C2CD2L: variants seen among roughly 807,000 people sequenced by gnomAD.
C2CD2L encodes C2CD2 like, also known as phospholipid transfer protein C2CD2L.
Under a neutral mutation model 69.9 loss-of-function variants are expected in C2CD2L, and 24 were observed. That is an observed-to-expected ratio of 0.34 (90% CI 0.25 to 0.48). The LOEUF (loss-of-function observed/expected upper bound fraction) is 0.48. Among genes scored for constraint, C2CD2L ranks in the 20% least tolerant of loss-of-function variants. C2CD2L has a pLI of 0.99. For synonymous variants in C2CD2L, 367 were observed against 391.0 expected (o/e 0.94, Z 0.72); for missense variants, 811 against 941.5 (o/e 0.86, Z 1.81).
chr11:119,113,112 C>T, intron 10 of C2CD2L: 1 of 578,060 alleles, frequency 1.7e-6, no homozygotes, highest in Non-Finnish European at 3.1e-6. Flanking sequence ...TCCTGCCCCT[C>T]CTCATACAGG....
In C2CD2L at chr11:119,112,132, G is replaced by A. The variant is rs577746011; in HGVS notation, c.1020-196G>A. ...AGGGAGGATTTGAATGCATAGCTGA[G>A]AAGCATGGTTTCCACTCAGGCCCTG... On this transcript the variant is annotated intron_variant, in intron 7 of 13. Coordinates refer to ENST00000648610, the MANE Select transcript of C2CD2L (RefSeq NM_001290474.2). 2.4e-5 allele frequency: 14 copies of A among 586,600 alleles called. No individual in the cohort carries two copies. In the African/African-American group the frequency reaches 2.6e-4, roughly 11 times the overall value. 36.3% of individuals were successfully genotyped at this position (586,600 alleles called of 1,614,324 possible).
At position 119,107,511 on chromosome 11, in the gene C2CD2L, A is replaced by C; in HGVS notation, c.-231A>C. On this transcript the variant is annotated 5_prime_UTR_variant, in exon 1 of 14. Transcript: ENST00000648610. This position sits in a 1 kb window ranked among gnomAD's most constrained non-coding sequence, Gnocchi z 5.4. Reference sequence around the variant, plus strand: ...AACGGGTCCGACTGCTGACCAAGCTAGGAGAGACCCGGACCACGGAGACAG... The same window carrying C: ...AACGGGTCCGACTGCTGACCAAGCTCGGAGAGACCCGGACCACGGAGACAG... 12 of 370,276 alleles carry C rather than the reference A, an allele frequency of 3.2e-5. No individual in the cohort carries two copies. The highest frequency in any genetic ancestry group is 8.9e-5 in the South Asian group (1 of 11,198). 22.9% of individuals were successfully genotyped at this position (370,276 alleles called of 1,614,324 possible). A position where few individuals can be genotyped will look rare whatever the true frequency, so the allele number is the denominator to read the frequency against.
chr11:119,102,860 CTTTTTT>C (rs141575057), upstream of C2CD2L, among the ~76,000 whole-genome samples: 40 of 43,454 alleles, frequency 9.2e-4, no homozygotes, highest in African/African-American at 3.4e-3. Context: ...AATTCACCAG[CTTTTTT>C]TTTTTTTTTT....
chr11:119,110,552 C>G lies in C2CD2L; in HGVS notation c.451-9C>G. Reference sequence around the variant, plus strand: ...TTCCCCCACATCTGACCCACCTCGCCGGTCTCAGGTGCTGCGTTGCCAGCT... The same window carrying G: ...TTCCCCCACATCTGACCCACCTCGCGGGTCTCAGGTGCTGCGTTGCCAGCT... On this transcript the variant is annotated splice_polypyrimidine_tract_variant and intron_variant, in intron 2 of 13. Coordinates refer to ENST00000648610, the MANE Select transcript of C2CD2L (RefSeq NM_001290474.2). The surrounding 1 kb of genome is among the most constrained non-coding windows in gnomAD (Gnocchi z 5.7). 1 of 1,605,596 alleles carries G rather than the reference C, an allele frequency of 6.2e-7. No homozygotes were observed.
In C2CD2L at chr11:119,110,803, G is replaced by A; in HGVS notation, c.571-44G>A. The A allele has an allele frequency of 6.2e-7, 1 of 1,609,374 alleles. No individual in the cohort carries two copies. Among genetic ancestry groups the A allele is most frequent in the Admixed American group, 1.7e-5 (1 of 59,866 alleles). On this transcript the variant is annotated intron_variant, in intron 3 of 13. Coordinates refer to ENST00000648610, the MANE Select transcript of C2CD2L (RefSeq NM_001290474.2). The surrounding 1 kb of genome is among the most constrained non-coding windows in gnomAD (Gnocchi z 5.7). Reference sequence around the variant, plus strand: ...GAGTCCTCGAATTAGGAGTCCTTGGGTAAATGGGGCAAGTCAGCCCAGTCA... The same window carrying A: ...GAGTCCTCGAATTAGGAGTCCTTGGATAAATGGGGCAAGTCAGCCCAGTCA...
chr11:119,108,650 C>T (rs1474626382), intron 1 of C2CD2L, among the ~76,000 whole-genome samples: 1 of 152,166 alleles, frequency 6.6e-6, no homozygotes, highest in Non-Finnish European at 1.5e-5. Flanking sequence ...GACAGTGCCC[C>T]TACCAGTAGA....
In C2CD2L at chr11:119,112,873, A is replaced by G; in HGVS notation, c.1386A>G (p.Leu462=). 1.2e-6 allele frequency: 2 copies of G among 1,613,424 alleles called. No homozygotes were observed. The highest frequency in any genetic ancestry group is 1.7e-6 in the Non-Finnish European group (2 of 1,179,638). The change falls in exon 10 of 14, where the codon TTA becomes TTG. Residue 462 remains leucine, a splice_region_variant and synonymous_variant. Transcript: ENST00000648610. ...CCCGGCCCCGTATAGACGGCAAATT[A>G]GGTAAAGAGAAGGAGCCTGGGAGCC... is the stretch of plus-strand genomic sequence containing the variant. ...VQSRPRIDGK[L]DSPSRSPSKV...
chr11:119,107,908 C>G lies in C2CD2L; in HGVS notation c.167C>G (p.Pro56Arg), dbSNP rs750120663. The G allele has an allele frequency of 2.0e-5, 30 of 1,526,850 alleles. No individual in the cohort carries two copies. Among genetic ancestry groups the G allele is most frequent in the Non-Finnish European group, 2.6e-5 (30 of 1,143,544 alleles). The allele number at this position is 1,526,850 out of a possible 1,614,324, so 94.6% of individuals were successfully genotyped here. A position where few individuals can be genotyped will look rare whatever the true frequency, so the allele number is the denominator to read the frequency against. ...CCGGGACCCGCCTTAGCCGGGGAACCCGCGGGTTCCCTGCGGGAGCTGGGC... is the reference window on the plus strand; with the variant it reads ...CCGGGACCCGCCTTAGCCGGGGAACGCGCGGGTTCCCTGCGGGAGCTGGGC... ...RGPGPALAGE[P>R]AGSLRELGVW... The change falls in exon 1 of 14, where the codon CCC becomes CGC. Residue 56 changes from proline to arginine, a missense_variant. By Grantham distance (103) the Pro-to-Arg change is moderately radical (BLOSUM62 -2). Coordinates refer to ENST00000648610, the MANE Select transcript of C2CD2L (RefSeq NM_001290474.2). The surrounding 1 kb of genome is among the most constrained non-coding windows in gnomAD (Gnocchi z 5.4).
At position 119,116,080 on chromosome 11, in the gene C2CD2L, C is replaced by T. The variant is rs761910846; in HGVS notation, c.1945C>T (p.Arg649Cys). 1 of 1,614,092 alleles carries T rather than the reference C, an allele frequency of 6.2e-7. No individual in the cohort carries two copies. Among genetic ancestry groups the T allele is most frequent in the Non-Finnish European group, 8.5e-7 (1 of 1,180,014 alleles). Residue 649 changes from arginine (R) to cysteine (C), a missense_variant, in exon 14 of 14, where the codon CGC becomes TGC. By Grantham distance (180) the Arg-to-Cys change is radical (BLOSUM62 -3). Transcript: ENST00000648610. ...GCGCAGCGGCACTAAGCTCATCTTC[C>T]GCCGGAGGCCTAGGCAGAAGGAAGC... ...FLRSGTKLIFRRRPRQKEAGL... is the reference protein window; with the variant it reads ...FLRSGTKLIFCRRPRQKEAGL...
Position 119,110,598 on chromosome 11 carries a change from T to C in C2CD2L, c.488T>C (p.Phe163Ser). The C allele has an allele frequency of 6.2e-7, 1 of 1,611,294 alleles. No homozygotes were observed. Reference sequence around the variant, plus strand: ...CAGCTCTCTGCTGAGGAGGTGCGGTTCCCAGTCTCTGTGACCCAGCAGTCC... The same window carrying C: ...CAGCTCTCTGCTGAGGAGGTGCGGTCCCCAGTCTCTGTGACCCAGCAGTCC... ...RCQLSAEEVR[F>S]PVSVTQQSPA... The change falls in exon 3 of 14, where the codon TTC (phenylalanine) becomes TCC (serine). Residue 163 changes from phenylalanine to serine, a missense_variant. Transcript: ENST00000648610. This position sits in a 1 kb window ranked among gnomAD's most constrained non-coding sequence, Gnocchi z 5.7.
At chr11:119,113,445 G>T (rs1286400759) in intron 10 of C2CD2L, 166 bp from the exon 11 acceptor site, 2 of 997,198 alleles carry the variant, frequency 2.0e-6, no homozygotes, top group Non-Finnish European at 2.9e-6. Flanking sequence ...AGCTCCTGGG[G>T]TGTCTTTTAG....
At position 119,109,566 on chromosome 11, in the gene C2CD2L, C is replaced by T. The variant is rs1946682929; in HGVS notation, c.355-538C>T. Among the ~76,000 whole-genome samples, 2 of 152,156 alleles carry T rather than the reference C, an allele frequency of 1.3e-5. No homozygotes were observed. The highest frequency in any genetic ancestry group is 4.8e-5 in the African/African-American group (2 of 41,424). ...CTTCATCTCCAAGAATATGAAGCAT[C>T]ATACTCTTGAAGCCTCCACATCTTA... On this transcript the variant is annotated intron_variant, in intron 1 of 13. Coordinates refer to ENST00000648610, the MANE Select transcript of C2CD2L (RefSeq NM_001290474.2). This position sits in a 1 kb window ranked among gnomAD's most constrained non-coding sequence, Gnocchi z 5.1.
chr11:119,109,579 C>A lies in C2CD2L; in HGVS notation c.355-525C>A, dbSNP rs1316128923. On this transcript the variant is annotated intron_variant, in intron 1 of 13. Coordinates refer to ENST00000648610, the MANE Select transcript of C2CD2L (RefSeq NM_001290474.2). The surrounding 1 kb of genome is among the most constrained non-coding windows in gnomAD (Gnocchi z 5.1). ...AATATGAAGCATCATACTCTTGAAG[C>A]CTCCACATCTTATTTATTTGGAAGA... 6.6e-6 allele frequency among the ~76,000 whole-genome samples: 1 copy of A among 152,196 alleles called. No individual in the cohort carries two copies. The highest frequency in any genetic ancestry group is 6.5e-5 in the Admixed American group (1 of 15,282).
At chr11:119,111,454 G>C (rs1946741196) in intron 6 of C2CD2L, 67 bp from the exon 7 acceptor site, 1 of 1,594,976 alleles carries the variant, frequency 6.3e-7, no homozygotes, top group African/African-American at 1.3e-5. Context: ...CAAGGGTACA[G>C]CCTCTTTATT....
chr11:119,113,252 GAGGCCTC>G, intron 10 of C2CD2L: 1 of 385,674 alleles, frequency 2.6e-6, no homozygotes, highest in South Asian at 3.9e-5. Context: ...AACAAACCCA[GAGGCCTC>G]TGTGGCATTT....
Position 119,113,656 on chromosome 11 carries a change from C to T in C2CD2L, c.1433C>T (p.Thr478Met), listed in dbSNP as rs370544741. 129 of 1,613,386 alleles carry T rather than the reference C, an allele frequency of 8.0e-5. No individual in the cohort carries two copies. The highest frequency in any genetic ancestry group is 1.0e-4 in the Non-Finnish European group (119 of 1,179,748). The change falls in exon 11 of 14, where the codon ACG becomes ATG. Residue 478 changes from threonine to methionine, a missense_variant. Coordinates refer to ENST00000648610, the MANE Select transcript of C2CD2L (RefSeq NM_001290474.2). ...TCCAAGGTGGAGGTGACCGAGAAGACGACAACTGTGCTGAGTGAGAGCAGT... is the reference window on the plus strand; with the variant it reads ...TCCAAGGTGGAGGTGACCGAGAAGATGACAACTGTGCTGAGTGAGAGCAGT... Reference protein sequence around the residue: ...SPSKVEVTEKTTTVLSESSGP... With the variant: ...SPSKVEVTEKMTTVLSESSGP...
upstream of C2CD2L, among the ~76,000 whole-genome samples, chr11:119,104,804 T>C (rs1482542997): frequency 6.6e-6 from 1 of 152,184 alleles, no homozygotes; most frequent in African/African-American, 2.4e-5. Flanking sequence ...CAAAAATGTT[T>C]CATAGTGCCA....
intron 10 of C2CD2L, chr11:119,113,351 T>G (rs1039261334): frequency 2.2e-4 from 104 of 479,036 alleles, no homozygotes; most frequent in Admixed American, 1.4e-3. Flanking sequence ...GGAGCCCCAG[T>G]ACCCCCTCTG....
chr11:119,118,300 A>G lies in C2CD2L; in HGVS notation c.*2044A>G, dbSNP rs776457423. ...GTCTTTTATTCCACTCTATATGTCC[A>G]TGTATACCCATTATTTAGCTCCCAC... On this transcript the variant is annotated 3_prime_UTR_variant, in exon 14 of 14. Transcript: ENST00000648610. 1.3e-5 allele frequency: 2 copies of G among 152,070 alleles called. No homozygotes were observed. Among genetic ancestry groups the G allele is most frequent in the Non-Finnish European group, 2.9e-5 (2 of 68,034 alleles). The allele number at this position is 152,070 out of a possible 1,614,324, so 9.4% of individuals were successfully genotyped here.
Sources: allele counts gnomAD v4.1 joint callset (sites outside exome capture counted in the v4.1 genomes callset), GRCh38; gene constraint gnomAD v4.1.1; non-coding constraint Gnocchi (gnomAD v3.1); transcripts MANE v1.5; gene names NCBI Gene and HGNC (gene_info 2026-07-23, HGNC 2026-07-21).